The following XIRP2 variants were observed in gnomAD, a reference collection of about 807,000 sequenced individuals.
XIRP2 encodes xin actin binding repeat containing 2.
Under a neutral mutation model 277.0 loss-of-function variants are expected in XIRP2, and 236 were observed. That is an observed-to-expected ratio of 0.85 (90% CI 0.77 to 0.95). XIRP2 has a LOEUF of 0.95. Among genes scored for constraint, XIRP2 ranks in the 40% least tolerant of loss-of-function variants. The probability of loss-of-function intolerance (pLI) is 0.00; values close to 1 mark genes in which losing one functional copy is unlikely to be tolerated. For synonymous variants in XIRP2, 1,490 were observed against 1,416.5 expected, an observed-to-expected ratio of 1.05 and a Z score of -1.17; for missense variants, 4,640 against 4,157.5, an observed-to-expected ratio of 1.12 and a Z score of -3.19.
In XIRP2 at chr2:167,256,130, T is replaced by C. The variant is rs12617883; in HGVS notation, c.*40-1727T>C. ...CTAGTGTCAGTTACCCAGTGTGCTCTTTCTGTATGTTGTTGCATGCTTTTT... is the reference window on the plus strand; with the variant it reads ...CTAGTGTCAGTTACCCAGTGTGCTCCTTCTGTATGTTGTTGCATGCTTTTT... On this transcript the variant is annotated intron_variant, in intron 10 of 10. Coordinates refer to ENST00000409195, the MANE Select transcript of XIRP2 (RefSeq NM_152381.6). Among the ~76,000 whole-genome samples, 110 of 151,792 alleles carry C rather than the reference T, an allele frequency of 7.2e-4. 2 individuals carry two copies. In the East Asian group the frequency reaches 0.02, roughly 28 times the overall value.
At chr2:167,240,633 C>G in intron 6 of XIRP2, 31 bp from the exon 7 acceptor site, 1 of 1,589,090 alleles carries the variant, frequency 6.3e-7, no homozygotes, top group Non-Finnish European at 8.6e-7. Flanking sequence ...TTCTTAAAAA[C>G]AATTTATTTT....
At chr2:167,140,708 G>T (rs1169297203) in intron 3 of XIRP2, 1 of 152,122 alleles carries the variant, frequency 6.6e-6, no homozygotes, top group Non-Finnish European at 1.5e-5. Flanking sequence ...TATTGTCAGT[G>T]GATCACCATC....
In XIRP2 at chr2:167,249,586, C is replaced by T; in HGVS notation, c.8194C>T (p.His2732Tyr). ...LNETDHSYES[H>Y]KQQSEIDVQT... ...TGAAACAGACCACAGCTATGAAAGT[C>T]ATAAACAGCAATCTGAGATTGATGT... Residue 2732 changes from histidine to tyrosine, a missense_variant, in exon 9 of 11, where the codon CAT becomes TAT. By Grantham distance (83) the His-to-Tyr change is moderately conservative (BLOSUM62 2). Transcript: ENST00000409195. The T allele has an allele frequency of 6.2e-7, 1 of 1,613,570 alleles. No homozygotes were observed. The highest frequency in any genetic ancestry group is 8.5e-7 in the Non-Finnish European group (1 of 1,179,780).
chr2:167,220,960 T>G (rs964306791), intron 5 of XIRP2, among the ~76,000 whole-genome samples: 1 of 152,226 alleles, frequency 6.6e-6, no homozygotes, highest in African/African-American at 2.4e-5. Flanking sequence ...AATATTTGCA[T>G]GAATCTGGAG....
intron 2 of XIRP2, among the ~76,000 whole-genome samples, chr2:167,009,499 A>G (rs932367221): frequency 6.6e-6 from 1 of 152,026 alleles, no homozygotes; most frequent in Non-Finnish European, 1.5e-5. Context: ...AGTCTTTGCT[A>G]TTGTGAATAG....
intron 3 of XIRP2, among the ~76,000 whole-genome samples, chr2:167,199,397 T>C (rs1693613422): frequency 6.6e-6 from 1 of 152,204 alleles, no homozygotes; most frequent in Admixed American, 6.5e-5. Flanking sequence ...CCTTGGCGTA[T>C]TTTTTGCTCT....
chr2:166,925,612 T>TAA (rs1685166685), intron 2 of XIRP2, among the ~76,000 whole-genome samples: 1 of 145,338 alleles, frequency 6.9e-6, no homozygotes, highest in East Asian at 2.0e-4. Flanking sequence ...TATATATATA[T>TAA]ATATATATAT....
At chr2:167,055,299 A>G (rs1689013589) in intron 2 of XIRP2, among the ~76,000 whole-genome samples, 1 of 152,118 alleles carries the variant, frequency 6.6e-6, no homozygotes, top group Non-Finnish European at 1.5e-5. Flanking sequence ...AAAAATCACA[A>G]ATCAAGAGTA....
chr2:167,141,595 G>T (rs1377824296), intron 3 of XIRP2, among the ~76,000 whole-genome samples: 1 of 152,166 alleles, frequency 6.6e-6, no homozygotes, highest in Admixed American at 6.5e-5. Flanking sequence ...ACTAAGACTT[G>T]AATAAGTAAA....
chr2:167,194,293 C>T (rs1307756154), intron 3 of XIRP2, among the ~76,000 whole-genome samples: 1 of 151,896 alleles, frequency 6.6e-6, no homozygotes, highest in African/African-American at 2.4e-5. Flanking sequence ...GTCGGGCAGG[C>T]TAGTCTCAAA....
At position 167,247,554 on chromosome 2, in the gene XIRP2, T is replaced by C. The variant is rs561338921; in HGVS notation, c.6162T>C (p.Asn2054=). The change falls in exon 9 of 11, where the codon AAT becomes AAC. Residue 2054 remains asparagine, a synonymous_variant. Transcript: ENST00000409195. The part of the protein sequence containing the change: ...RRLSNSHHKS[N]VLESGDKTGV... ...TATCTAATTCACACCATAAATCTAA[T>C]GTTTTGGAATCAGGAGACAAAACGG... The C allele has an allele frequency of 6.4e-5, 104 of 1,613,718 alleles. 1 individual carries two copies. The South Asian group carries it at 1.1e-3, about 17-fold the overall frequency.
intron 5 of XIRP2, among the ~76,000 whole-genome samples, chr2:167,222,458 C>T (rs1308291065): frequency 2.0e-5 from 3 of 152,130 alleles, no homozygotes; most frequent in Non-Finnish European, 4.4e-5. Flanking sequence ...TTACCCATTT[C>T]GATTTTGTTT....
chr2:167,187,345 A>T (rs1693186204), intron 3 of XIRP2: 1 of 985,252 alleles, frequency 1.0e-6, no homozygotes, highest in Non-Finnish European at 1.2e-6. Context: ...CTGCTAAAAT[A>T]AATTCAGCCG....
Position 167,251,480 on chromosome 2 carries a change from A to G in XIRP2, c.10088A>G (p.Asn3363Ser), listed in dbSNP as rs201465371. 2.1e-4 allele frequency: 342 copies of G among 1,613,496 alleles called. No individual in the cohort carries two copies. Among genetic ancestry groups the G allele is most frequent in the Non-Finnish European group, 2.4e-4 (281 of 1,179,676 alleles). ...RVYAKGETNH[N>S]IQQESRTFCK... is the part of the protein sequence containing the mutation. ...TATGCAAAGGGAGAAACAAACCATA[A>G]CATACAACAAGAAAGTCGTACATTT... The change falls in exon 9 of 11, where the codon AAC becomes AGC. Residue 3363 changes from asparagine to serine, a missense_variant. By Grantham distance (46) the Asn-to-Ser change is conservative. Coordinates refer to ENST00000409195, the MANE Select transcript of XIRP2 (RefSeq NM_152381.6).
chr2:167,069,603 T>G (rs1262501293), intron 2 of XIRP2, among the ~76,000 whole-genome samples: 1 of 152,124 alleles, frequency 6.6e-6, no homozygotes, highest in Non-Finnish European at 1.5e-5. Flanking sequence ...AGAAGGAAAC[T>G]GACCGTGTGC....
chr2:167,248,412 T>C lies in XIRP2; in HGVS notation c.7020T>C (p.Ser2340=), dbSNP rs1470383573. Residue 2340 remains serine (S), a synonymous_variant, in exon 9 of 11, where the codon AGT becomes AGC. Coordinates refer to ENST00000409195, the MANE Select transcript of XIRP2 (RefSeq NM_152381.6). ...AGAAGATAAAGGCTGAATTTGAAAGTTTTCCAGGCCTCCCTCTTCCTCCAC... is the reference window on the plus strand; with the variant it reads ...AGAAGATAAAGGCTGAATTTGAAAGCTTTCCAGGCCTCCCTCTTCCTCCAC... ...STEKIKAEFE[S]FPGLPLPPPP... The C allele has an allele frequency of 6.2e-7, 1 of 1,613,618 alleles. No homozygotes were observed. Among genetic ancestry groups the C allele is most frequent in the Admixed American group, 1.7e-5 (1 of 59,950 alleles).
In XIRP2 at chr2:166,938,322, A is replaced by G. The variant is rs188087887; in HGVS notation, c.408+34432A>G. On this transcript the variant is annotated intron_variant, in intron 2 of 10. Transcript: ENST00000409195. ...TTTGTTCTTGTTGGTTTCAAAGAAC[A>G]CCTTTATTTCTGCCTTCATTTCGTT... Among the ~76,000 whole-genome samples, 5 of 152,284 alleles carry G rather than the reference A, an allele frequency of 3.3e-5. No individual in the cohort carries two copies. In the East Asian group the frequency reaches 9.7e-4, roughly 29 times the overall value.
At chr2:166,904,023 G>T (rs565408147) in intron 2 of XIRP2, 133 bp downstream of exon 2, 3 of 1,012,164 alleles carry the variant, frequency 3.0e-6, no homozygotes, top group African/African-American at 3.2e-5. Context: ...GTGTAATGCA[G>T]TGTGAAATGT....
intron 4 of XIRP2, among the ~76,000 whole-genome samples, chr2:167,212,422 G>A (rs1317637670): frequency 6.6e-6 from 1 of 152,146 alleles, no homozygotes; most frequent in African/African-American, 2.4e-5. Flanking sequence ...GTGGTATCAA[G>A]GCATGATATA....
Sources: allele counts gnomAD v4.1 joint callset (sites outside exome capture counted in the v4.1 genomes callset), GRCh38; gene constraint gnomAD v4.1.1; transcripts MANE v1.5; gene names NCBI Gene and HGNC (gene_info 2026-07-23, HGNC 2026-07-21).